Variants in SLC17A2 observed in about 807,000 individuals in gnomAD.
SLC17A2 encodes solute carrier family 17 member 2.
SLC17A2 carries 38 observed loss-of-function variants against 52.1 expected under a neutral mutation model. The observed-to-expected ratio is 0.73, with a 90% CI of 0.56 to 0.96. The LOEUF (loss-of-function observed/expected upper bound fraction) is 0.96. SLC17A2 is among the 40% of genes least tolerant of loss of function. SLC17A2 has a pLI of 0.00. For synonymous variants in SLC17A2, 226 were observed against 211.9 expected (o/e 1.07, Z -0.58); for missense variants, 508 against 583.9 (o/e 0.87, Z 1.34).
intron 2 of SLC17A2, 111 bp downstream of exon 2, chr6:25,925,658 T>A: frequency 9.8e-7 from 1 of 1,015,770 alleles, no homozygotes; most frequent in Non-Finnish European, 1.6e-6. Context: ...GGCTCCAATG[T>A]TACACTGGGA....
At chr6:25,920,003 A>G (rs911794504) in intron 5 of SLC17A2, among the ~76,000 whole-genome samples, 1 of 152,226 alleles carries the variant, frequency 6.6e-6, no homozygotes, top group Non-Finnish European at 1.5e-5. Context: ...ATGAAGGAAC[A>G]CATTGAAAAT....
intron 10 of SLC17A2, among the ~76,000 whole-genome samples, chr6:25,915,147 C>CTTTATATATATATATATATATA (rs1766251445): frequency 3.3e-5 from 1 of 30,110 alleles, no homozygotes; most frequent in Non-Finnish European, 7.6e-5. Flanking sequence ...CTTATTGTGA[C>CTTTATATATATATATATATATA]TGTATATATA....
chr6:25,929,887 C>T (rs1448057228), intron 1 of SLC17A2, among the ~76,000 whole-genome samples: 1 of 152,152 alleles, frequency 6.6e-6, no homozygotes, highest in Non-Finnish European at 1.5e-5. Context: ...GCAACCTCTA[C>T]GTCCTGGGTT....
At chr6:25,916,104 G>A (rs1033484838) in intron 8 of SLC17A2, among the ~76,000 whole-genome samples, 2 of 151,978 alleles carry the variant, frequency 1.3e-5, no homozygotes, top group African/African-American at 2.4e-5. Flanking sequence ...TTTTTGAAAC[G>A]GAGTCTTACT....
intron 8 of SLC17A2, among the ~76,000 whole-genome samples, chr6:25,916,330 C>T (rs1323627275): frequency 6.6e-6 from 1 of 152,162 alleles, no homozygotes; most frequent in Non-Finnish European, 1.5e-5. Context: ...ATCTGCCTGC[C>T]TCGGCCTCCC....
intron 10 of SLC17A2, 84 bp downstream of exon 10, chr6:25,915,415 C>T (rs757035009): frequency 5.0e-6 from 6 of 1,205,578 alleles, no homozygotes; most frequent in Non-Finnish European, 6.8e-6. Flanking sequence ...ATGTCAGTAA[C>T]ATTAAAGAGT....
In SLC17A2 at chr6:25,921,276, A is replaced by C. The variant is rs1318453190; in HGVS notation, c.377T>G (p.Leu126Trp). Reference protein sequence around the residue: ...FGAKKMLGAGLLISSLLTLFT... With the variant: ...FGAKKMLGAGWLISSLLTLFT... ...GAGGGTGAGAAGGGAAGAGATCAGCAAACCAGCACCAAGCATTTTTTTTGC... is the reference window on the plus strand; with the variant it reads ...GAGGGTGAGAAGGGAAGAGATCAGCCAACCAGCACCAAGCATTTTTTTTGC... Residue 126 changes from leucine (L) to tryptophan (W), a missense_variant, in exon 4 of 12, where the codon TTG becomes TGG. Transcript: ENST00000377850. 1 of 1,614,090 alleles carries C rather than the reference A, an allele frequency of 6.2e-7. No homozygotes were observed. Among genetic ancestry groups the C allele is most frequent in the Non-Finnish European group, 8.5e-7 (1 of 1,180,042 alleles).
In SLC17A2 at chr6:25,915,177, A is replaced by ATATATATATATATATATATATATATATG. The variant is rs1554137783; in HGVS notation, c.1211+321_1211+322insCATATATATATATATATATATATATATA. Among the ~76,000 whole-genome samples, 828 of 107,850 alleles carry ATATATATATATATATATATATATATATG rather than the reference A, an allele frequency of 7.7e-3. 111 individuals carry two copies. The highest frequency in any genetic ancestry group is 0.022 in the Middle Eastern group (5 of 228). The allele number at this position is 107,850 out of a possible 152,430, so 70.8% of individuals were successfully genotyped here. ...TATATATATATATATATATATATAT[A>ATATATATATATATATATATATATATATG]TGGTAGCTAATATGAACAACACCAT... On this transcript the variant is annotated intron_variant, in intron 10 of 11. Coordinates refer to ENST00000377850, the MANE Select transcript of SLC17A2 (RefSeq NM_001286123.3).
intron 5 of SLC17A2, among the ~76,000 whole-genome samples, chr6:25,920,002 C>A (rs1214121171): frequency 1.3e-5 from 2 of 152,142 alleles, no homozygotes; most frequent in East Asian, 3.9e-4. Context: ...CATGAAGGAA[C>A]ACATTGAAAA....
chr6:25,918,031 A>G (rs756228428), intron 6 of SLC17A2, among the ~76,000 whole-genome samples: 1 of 152,250 alleles, frequency 6.6e-6, no homozygotes, highest in Non-Finnish European at 1.5e-5. Flanking sequence ...TGGGGAAGGG[A>G]ACATTTGAAT....
chr6:25,914,512 C>A (rs1279523201), intron 11 of SLC17A2, 68 bp downstream of exon 11: 1 of 960,582 alleles, frequency 1.0e-6, no homozygotes, highest in Non-Finnish European at 1.7e-6. Context: ...ATCTTTAGAG[C>A]ACCGTGTGTA....
chr6:25,929,681 G>T (rs2151563041), intron 1 of SLC17A2, among the ~76,000 whole-genome samples: 1 of 152,308 alleles, frequency 6.6e-6, no homozygotes, highest in South Asian at 2.1e-4. Context: ...TGACCACAAT[G>T]TCCCTGGGTG....
intron 3 of SLC17A2, 136 bp downstream of exon 3, chr6:25,923,559 T>G: frequency 1.4e-6 from 1 of 699,060 alleles, no homozygotes; most frequent in South Asian, 1.8e-5. Flanking sequence ...AAGCAATGTC[T>G]CAAAGAAAAA....
chr6:25,928,780 G>A (rs1048495899), intron 1 of SLC17A2, among the ~76,000 whole-genome samples: 9 of 152,056 alleles, frequency 5.9e-5, no homozygotes. Flanking sequence ...TAACCTATTT[G>A]CAAACAATTG....
chr6:25,927,871 C>G (rs78078917), intron 1 of SLC17A2, among the ~76,000 whole-genome samples: 2 of 152,132 alleles, frequency 1.3e-5, no homozygotes, highest in Non-Finnish European at 2.9e-5. Context: ...GAGTTCAGCT[C>G]ATTGCTCTAC....
chr6:25,915,181 T>C (rs1192127094), intron 10 of SLC17A2, among the ~76,000 whole-genome samples: 3 of 34,136 alleles, frequency 8.8e-5, no homozygotes, highest in Non-Finnish European at 1.5e-4. Context: ...ATATATATGG[T>C]AGCTAATATG....
In SLC17A2 at chr6:25,927,928, A is replaced by G. The variant is rs145242458; in HGVS notation, c.-83-2049T>C. ...ATCTGTGGTCAAACCCAGAGTTTGG[A>G]CCATTTTCTATTTGATTTCACTTTT... On this transcript the variant is annotated intron_variant, in intron 1 of 11. Transcript: ENST00000377850. Among the ~76,000 whole-genome samples the G allele has an allele frequency of 5.4e-3, 815 of 152,262 alleles. 3 individuals carry two copies. Among genetic ancestry groups the G allele is most frequent in the Non-Finnish European group, 8.8e-3 (601 of 68,012 alleles).
At chr6:25,916,924 C>G in intron 7 of SLC17A2, 45 bp downstream of exon 7, 1 of 1,608,016 alleles carries the variant, frequency 6.2e-7, no homozygotes, top group South Asian at 1.1e-5. Flanking sequence ...ACACCCTGCC[C>G]TAGAGACCTC....
chr6:25,919,113 A>G (rs1404714656), intron 5 of SLC17A2, among the ~76,000 whole-genome samples: 1 of 152,238 alleles, frequency 6.6e-6, no homozygotes, highest in East Asian at 1.9e-4. Context: ...TGCATTTTAC[A>G]GGGTAACATA....
Sources: allele counts gnomAD v4.1 joint callset (sites outside exome capture counted in the v4.1 genomes callset), GRCh38; gene constraint gnomAD v4.1.1; transcripts MANE v1.5; gene names NCBI Gene and HGNC (gene_info 2026-07-23, HGNC 2026-07-21).